The following CACNA2D1 variants were observed in gnomAD, a reference collection of about 807,000 sequenced individuals.
The protein encoded by CACNA2D1 is voltage-dependent calcium channel subunit alpha-2/delta-1.
In CACNA2D1, 53 loss-of-function variants were observed where a neutral mutation model predicts 171.5. The ratio of observed to expected loss-of-function variants is 0.31; its 90% CI spans 0.25 to 0.39. The LOEUF (loss-of-function observed/expected upper bound fraction) is 0.39. CACNA2D1 is among the 10% of genes least tolerant of loss of function. The pLI, the probability that CACNA2D1 is intolerant of heterozygous loss-of-function variation, is 1.00. For synonymous variants in CACNA2D1, 442 were observed against 443.1 expected (o/e 1.00, Z 0.03); for missense variants, 903 against 1,299.8 (o/e 0.69, Z 4.69).
At chr7:82,102,571 C>T (rs1489825696) in intron 6 of CACNA2D1, among the ~76,000 whole-genome samples, 15 of 152,110 alleles carry the variant, frequency 9.9e-5, no homozygotes, top group African/African-American at 3.6e-4. Flanking sequence ...TTTCACTCAT[C>T]CTACAACCCA....
intron 16 of CACNA2D1, among the ~76,000 whole-genome samples, chr7:82,006,607 T>C (rs1194761699): frequency 6.6e-6 from 1 of 152,038 alleles, no homozygotes; most frequent in Non-Finnish European, 1.5e-5. Context: ...ACAGATAGAG[T>C]AAGAAAGTTG....
intron 1 of CACNA2D1, among the ~76,000 whole-genome samples, chr7:82,375,119 T>C (rs973259897): frequency 1.3e-5 from 2 of 152,074 alleles, no homozygotes; most frequent in African/African-American, 4.8e-5. Context: ...GTCAGAGAGA[T>C]AGAAGAAAAA....
intron 4 of CACNA2D1, among the ~76,000 whole-genome samples, chr7:82,158,770 T>C (rs984954052): frequency 2.6e-5 from 4 of 151,920 alleles, no homozygotes; most frequent in Admixed American, 6.6e-5. Context: ...ATTTCTGTCA[T>C]CTTGGCTGGA....
chr7:81,960,972 A>G (rs1248620320), intron 36 of CACNA2D1, among the ~76,000 whole-genome samples: 6 of 151,994 alleles, frequency 3.9e-5, no homozygotes, highest in African/African-American at 1.4e-4. Context: ...AAAGAAAGTC[A>G]TAAAACATAC....
intron 1 of CACNA2D1, among the ~76,000 whole-genome samples, chr7:82,368,175 A>G (rs1821967649): frequency 6.6e-6 from 1 of 152,180 alleles, no homozygotes; most frequent in South Asian, 2.1e-4. Flanking sequence ...AACTGCCAGC[A>G]TCTGCTTTGG....
chr7:82,279,509 T>TTCA (rs1488082726), intron 3 of CACNA2D1, among the ~76,000 whole-genome samples: 5 of 152,184 alleles, frequency 3.3e-5, no homozygotes, highest in Non-Finnish European at 7.3e-5. Flanking sequence ...AGGGCATTTC[T>TTCA]TCATCATCGA....
At chr7:81,971,994 T>C in intron 25 of CACNA2D1, 130 bp from the exon 26 acceptor site, 1 of 648,104 alleles carries the variant, frequency 1.5e-6, no homozygotes, top group Non-Finnish European at 2.8e-6. Context: ...TATTCCACAT[T>C]CATTTTCTTT....
At chr7:82,410,479 A>C (rs530546059) in intron 1 of CACNA2D1, 48 of 983,888 alleles carry the variant, frequency 4.9e-5, no homozygotes, top group Non-Finnish European at 5.7e-5. Context: ...AACGCATGTT[A>C]ACAGGCAGTA....
intron 5 of CACNA2D1, 21 bp downstream of exon 5, chr7:82,136,614 T>G (rs374890738): frequency 2.3e-4 from 356 of 1,558,732 alleles, no homozygotes; most frequent in Middle Eastern, 3.3e-4. Context: ...TGGAATTTAA[T>G]GGAAAACATT....
rs747500641 is a variant in CACNA2D1, at chr7:81,959,731, G to A, written c.3065C>T (p.Ala1022Val). ...CPCDTRLLIQ[A>V]EQTSDGPNPC... ...ATGTCAAAGGATACAAGTCTGCTCC[G>A]CTTGTATGAGCAGTCGTGTGTCACA... Residue 1022 changes from alanine to valine, a missense_variant, in exon 37 of 39, where the codon GCG (alanine) becomes GTG (valine). Coordinates refer to ENST00000356860, the MANE Select transcript of CACNA2D1 (RefSeq NM_000722.4). 42 of 1,611,986 alleles carry A rather than the reference G, an allele frequency of 2.6e-5. 1 individual carries two copies. In the South Asian group the frequency reaches 2.7e-4, roughly 11 times the overall value.
chr7:82,033,594 G>T (rs1802971975), intron 11 of CACNA2D1, among the ~76,000 whole-genome samples: 1 of 151,846 alleles, frequency 6.6e-6, no homozygotes, highest in African/African-American at 2.4e-5. Context: ...ATGCTCTTTT[G>T]TTCCTTTGTA....
chr7:82,004,939 T>G (rs1798976090), intron 18 of CACNA2D1, among the ~76,000 whole-genome samples: 1 of 152,194 alleles, frequency 6.6e-6, no homozygotes, highest in Non-Finnish European at 1.5e-5. Flanking sequence ...ACATGGATTT[T>G]ACTTATACAA....
chr7:82,409,194 A>G (rs1252861248), intron 1 of CACNA2D1, among the ~76,000 whole-genome samples: 2 of 152,178 alleles, frequency 1.3e-5, no homozygotes, highest in Non-Finnish European at 1.5e-5. Context: ...TCTATATAGT[A>G]GGTATTCAAC....
intron 2 of CACNA2D1, among the ~76,000 whole-genome samples, chr7:82,347,364 T>C (rs564224946): frequency 1.3e-5 from 2 of 152,286 alleles, no homozygotes; most frequent in East Asian, 1.9e-4. Context: ...TATATTACTT[T>C]AGCTGTGGTG....
intron 3 of CACNA2D1, among the ~76,000 whole-genome samples, chr7:82,188,733 C>G (rs1298178084): frequency 6.6e-6 from 1 of 152,078 alleles, no homozygotes; most frequent in Non-Finnish European, 1.5e-5. Flanking sequence ...TTCTTCACAG[C>G]ACTATTCATA....
At chr7:81,950,776 A>T (rs2129938678) in intron 38 of CACNA2D1, among the ~76,000 whole-genome samples, 1 of 152,196 alleles carries the variant, frequency 6.6e-6, no homozygotes, top group East Asian at 1.9e-4. Context: ...TGTTTGAATA[A>T]TATACTAATT....
At chr7:82,285,815 C>A (rs1461129621) in intron 3 of CACNA2D1, among the ~76,000 whole-genome samples, 1 of 152,278 alleles carries the variant, frequency 6.6e-6, no homozygotes, top group East Asian at 1.9e-4. Context: ...TATGAAGACT[C>A]TTTCCTACTT....
chr7:82,347,627 G>C lies in CACNA2D1; in HGVS notation c.177+1941C>G, dbSNP rs1819393371. On this transcript the variant is annotated intron_variant, in intron 2 of 38. Coordinates refer to ENST00000356860, the MANE Select transcript of CACNA2D1 (RefSeq NM_000722.4). ...GGAATGAGGCAATACGGAATCATCT[G>C]TCTGTGTAAGATGACACTCTTTGTG... is the stretch of plus-strand genomic sequence containing the variant. Among the ~76,000 whole-genome samples, 5 of 152,184 alleles carry C rather than the reference G, an allele frequency of 3.3e-5. No individual in the cohort carries two copies. The South Asian group carries it at 8.3e-4, about 25-fold the overall frequency.
chr7:82,415,791 C>CA (rs1361177593), intron 1 of CACNA2D1, among the ~76,000 whole-genome samples: 1 of 151,710 alleles, frequency 6.6e-6, no homozygotes, highest in Non-Finnish European at 1.5e-5. Context: ...AAAAAATGCC[C>CA]AGAAGAAAAG....
Sources: allele counts gnomAD v4.1 joint callset (sites outside exome capture counted in the v4.1 genomes callset), GRCh38; gene constraint gnomAD v4.1.1; transcripts MANE v1.5; gene names NCBI Gene and HGNC (gene_info 2026-07-23, HGNC 2026-07-21).